PANK1: variants seen among roughly 807,000 people sequenced by gnomAD.
PANK1 encodes pantothenic acid kinase 1.
A neutral mutation model predicts 40.1 loss-of-function variants in PANK1; 18 were observed. The observed-to-expected ratio is 0.45, with a 90% CI of 0.31 to 0.67. The LOEUF (loss-of-function observed/expected upper bound fraction) is 0.67. Among genes scored for constraint, PANK1 ranks in the 30% least tolerant of loss-of-function variants. The pLI, the probability that PANK1 is intolerant of heterozygous loss-of-function variation, is 0.06. For synonymous variants in PANK1, 242 were observed against 237.7 expected (o/e 1.02, Z -0.17); for missense variants, 457 against 599.6 (o/e 0.76, Z 2.48).
intron 2 of PANK1, among the ~76,000 whole-genome samples, chr10:89,610,221 C>T (rs1446265643): frequency 6.6e-6 from 1 of 151,320 alleles, no homozygotes; most frequent in Non-Finnish European, 1.5e-5. Context: ...AAAATGAGGC[C>T]CAGAGAAGGG....
chr10:89,608,799 G>A (rs1589784712), intron 2 of PANK1, among the ~76,000 whole-genome samples: 1 of 152,182 alleles, frequency 6.6e-6, no homozygotes, highest in Non-Finnish European at 1.5e-5. Context: ...ACGTACAGTA[G>A]TATATATTGA....
At chr10:89,624,072 C>A (rs549763264) in intron 1 of PANK1, among the ~76,000 whole-genome samples, 1 of 152,320 alleles carries the variant, frequency 6.6e-6, no homozygotes, top group East Asian at 1.9e-4. Flanking sequence ...TTTCTCCTCT[C>A]GCCCAGACAC....
chr10:89,611,097 A>G (rs1406740044), intron 2 of PANK1, among the ~76,000 whole-genome samples: 1 of 152,236 alleles, frequency 6.6e-6, no homozygotes, highest in East Asian at 1.9e-4. Flanking sequence ...ACTGCCAGTC[A>G]GGATACAGCA....
chr10:89,623,351 A>C (rs1926214), intron 1 of PANK1, among the ~76,000 whole-genome samples: 34,173 of 151,842 alleles, frequency 0.23, 4,134 homozygotes, highest in East Asian at 0.49. Flanking sequence ...CCTCCCGAGT[A>C]GCTGGGACTA....
chr10:89,633,543 T>A (rs61853455), intron 1 of PANK1, among the ~76,000 whole-genome samples: 28 of 149,850 alleles, frequency 1.9e-4, no homozygotes, highest in African/African-American at 6.3e-4. Flanking sequence ...TTTTTTTTTT[T>A]AAATCAAACA....
intron 3 of PANK1, among the ~76,000 whole-genome samples, chr10:89,596,834 T>C (rs1212153733): frequency 6.6e-6 from 1 of 152,208 alleles, no homozygotes; most frequent in African/African-American, 2.4e-5. Flanking sequence ...TGAGATGTAC[T>C]GCTACTTTCA....
rs1034387964 is a variant in PANK1 at position 89,644,744 on chromosome 10, G to C, written c.148C>G (p.Pro50Ala). 2 of 1,521,666 alleles carry C rather than the reference G, an allele frequency of 1.3e-6. No individual in the cohort carries two copies. The highest frequency in any genetic ancestry group is 2.9e-5 in the African/African-American group (2 of 70,094). The allele number at this position is 1,521,666 out of a possible 1,614,324, so 94.3% of individuals were successfully genotyped here. ...GGCGCCGCGTCGCTGCCGCCCACTG[G>C]ACCCCGGCTGCAGACGTGCGGCGGC... ...VQPPHVCSRGPVGGSDAAPQR... is the reference protein window; with the variant it reads ...VQPPHVCSRGAVGGSDAAPQR... Residue 50 changes from proline (P) to alanine (A), a missense_variant, in exon 1 of 7, where the codon CCA (proline) becomes GCA (alanine). Physicochemically the swap from Pro to Ala is conservative, Grantham distance 27. This residue lies in a region of PANK1 where 144 missense variants were observed against 131.2 expected (regional missense o/e 1.10). Coordinates refer to ENST00000307534, the MANE Select transcript of PANK1 (RefSeq NM_148977.3).
At chr10:89,644,037 A>C in intron 1 of PANK1, 2 of 322,992 alleles carry the variant, frequency 6.2e-6, no homozygotes, top group Non-Finnish European at 5.5e-6. Flanking sequence ...AAACCCTCTC[A>C]TTGGCCGTGA....
intron 2 of PANK1, among the ~76,000 whole-genome samples, chr10:89,609,407 C>G (rs180783738): frequency 2.0e-3 from 303 of 152,296 alleles, no homozygotes; most frequent in Non-Finnish European, 3.6e-3. Context: ...TCTTCCCCCA[C>G]TAGAATACAA....
intron 2 of PANK1, among the ~76,000 whole-genome samples, chr10:89,603,699 G>A (rs761534121): frequency 6.6e-6 from 1 of 152,122 alleles, no homozygotes; most frequent in Non-Finnish European, 1.5e-5. Context: ...AGTAAGTAGG[G>A]GTACAGTGGG....
intron 2 of PANK1, among the ~76,000 whole-genome samples, chr10:89,605,063 T>TA (rs760265414): frequency 0.051 from 6,824 of 133,090 alleles, 410 homozygotes; most frequent in African/African-American, 0.15. Context: ...GCATTATGTC[T>TA]AAAAAAAAAA....
Position 89,609,614 on chromosome 10 carries a change from C to T in PANK1, c.645+2082G>A, listed in dbSNP as rs143180889. ...TCTATCTGTTTCAATTCTGTCTTCACTTTGGCTGAGACTCAGCCTGGATAC... is the reference window on the plus strand; with the variant it reads ...TCTATCTGTTTCAATTCTGTCTTCATTTTGGCTGAGACTCAGCCTGGATAC... On this transcript the variant is annotated intron_variant, in intron 2 of 6. Transcript: ENST00000307534. 2.1e-3 allele frequency among the ~76,000 whole-genome samples: 316 copies of T among 152,322 alleles called. 2 individuals are homozygous for T. The highest frequency in any genetic ancestry group is 7.1e-3 in the African/African-American group (296 of 41,568).
Position 89,624,235 on chromosome 10 carries a change from G to A in PANK1, c.293-12187C>T, listed in dbSNP as rs139775906. 1.6e-4 allele frequency among the ~76,000 whole-genome samples: 24 copies of A among 152,308 alleles called. 1 individual carries two copies. The highest frequency in any genetic ancestry group is 5.8e-4 in the African/African-American group (24 of 41,570). ...TCTGCTGCTCGGGGTTAACCCATCT[G>A]TTAGGTGCAAGAGGCACAGTGGCTA... On this transcript the variant is annotated intron_variant, in intron 1 of 6. Transcript: ENST00000307534.
chr10:89,587,756 T>G (rs1424323938), intron 6 of PANK1, among the ~76,000 whole-genome samples: 2 of 152,246 alleles, frequency 1.3e-5, no homozygotes, highest in African/African-American at 2.4e-5. Context: ...AAAGCTTTCA[T>G]TAATGATTAC....
At chr10:89,635,531 G>A (rs1420781924) in intron 1 of PANK1, among the ~76,000 whole-genome samples, 4 of 152,112 alleles carry the variant, frequency 2.6e-5, no homozygotes, top group African/African-American at 9.7e-5. Flanking sequence ...TTTTCAACAC[G>A]TGCTTTCTGG....
At chr10:89,614,522 G>A (rs1332011164) in intron 1 of PANK1, among the ~76,000 whole-genome samples, 1 of 152,188 alleles carries the variant, frequency 6.6e-6, no homozygotes, top group Non-Finnish European at 1.5e-5. Flanking sequence ...GTGAGGCCAG[G>A]TGTGGTGGCT....
intron 1 of PANK1, among the ~76,000 whole-genome samples, chr10:89,623,503 A>G (rs989382091): frequency 6.6e-6 from 1 of 151,394 alleles, no homozygotes; most frequent in African/African-American, 2.4e-5. Context: ...GATTACAGGC[A>G]TGAGCCACCG....
At chr10:89,642,306 C>T (rs7907852) in intron 1 of PANK1, among the ~76,000 whole-genome samples, 50,725 of 152,092 alleles carry the variant, frequency 0.33, 9,349 homozygotes, top group African/African-American at 0.49. Flanking sequence ...ACCTACAATA[C>T]TACAAAATAG....
chr10:89,626,824 TG>T lies in PANK1; in HGVS notation c.293-14777del, dbSNP rs1845674659. On this transcript the variant is annotated intron_variant, in intron 1 of 6. Transcript: ENST00000307534. ...GGCTCAAGATGGTAATCTTATTACC[TG>T]CTTAAACAAATCCCCATTTAAACCA... Among the ~76,000 whole-genome samples the T allele has an allele frequency of 2.6e-5, 4 of 152,188 alleles. No homozygotes were observed. The South Asian group carries it at 8.3e-4, about 32-fold the overall frequency.
Sources: allele counts gnomAD v4.1 joint callset (sites outside exome capture counted in the v4.1 genomes callset), GRCh38; gene constraint gnomAD v4.1.1; regional missense constraint gnomAD v4.1.1; transcripts MANE v1.5; gene names NCBI Gene and HGNC (gene_info 2026-07-23, HGNC 2026-07-21).